WDR41: variants seen among roughly 807,000 people sequenced by gnomAD.
WDR41 encodes WD repeat-containing protein 41.
In WDR41, 63 loss-of-function variants were observed where a neutral mutation model predicts 69.3. That is an observed-to-expected ratio of 0.91 (90% confidence interval 0.74 to 1.12). The LOEUF (loss-of-function observed/expected upper bound fraction) is 1.12. Ranked by LOEUF, WDR41 falls within the 50% of genes most tolerant of loss-of-function variation. The pLI, the probability that WDR41 is intolerant of heterozygous loss-of-function variation, is 0.00. For missense variants in WDR41, 543 were observed against 534.5 expected (o/e 1.02, Z -0.16); for synonymous variants, 185 against 192.1 (o/e 0.96, Z 0.31).
At chr5:77,493,632 C>A (rs372597251), upstream of WDR41, among the ~76,000 whole-genome samples, 24 of 152,246 alleles carry the variant, frequency 1.6e-4, 1 homozygote, top group East Asian at 3.3e-3. Flanking sequence ...TGTGCTAGCC[C>A]CAAATTGCAG....
At chr5:77,527,772 G>A (rs1033425922) in intron 1 of WDR41, among the ~76,000 whole-genome samples, 3 of 151,852 alleles carry the variant, frequency 2.0e-5, no homozygotes, top group Admixed American at 6.6e-5. Flanking sequence ...TAGGCTAAAT[G>A]TCAATATTTT....
At chr5:77,579,483 A>C (rs1743895668) in intron 1 of WDR41, among the ~76,000 whole-genome samples, 1 of 152,234 alleles carries the variant, frequency 6.6e-6, no homozygotes, top group South Asian at 2.1e-4. Context: ...CAAACTATGA[A>C]ACAAAAGCAA....
chr5:77,484,413 T>A (rs163034), intron 2 of WDR41, among the ~76,000 whole-genome samples: 79,656 of 151,992 alleles, frequency 0.52, 21,531 homozygotes, highest in African/African-American at 0.65. Flanking sequence ...CCTTTAGAAA[T>A]AGAAAAGCTA....
At chr5:77,523,001 A>C (rs1226287728) in intron 1 of WDR41, among the ~76,000 whole-genome samples, 3 of 152,114 alleles carry the variant, frequency 2.0e-5, no homozygotes, top group Non-Finnish European at 4.4e-5. Context: ...AAAAGTAAAT[A>C]ATGGAAAACA....
chr5:77,511,842 TAGTTA>T (rs141615284), intron 1 of WDR41, among the ~76,000 whole-genome samples: 9,382 of 151,790 alleles, frequency 0.062, 505 homozygotes, highest in African/African-American at 0.14. Context: ...CAAGAAGCAT[TAGTTA>T]AGTTTCGATT....
At chr5:77,504,625 AT>A (rs1173681260) in intron 1 of WDR41, among the ~76,000 whole-genome samples, 1 of 152,242 alleles carries the variant, frequency 6.6e-6, no homozygotes, top group Non-Finnish European at 1.5e-5. Context: ...AAAATCCTCA[AT>A]AAAATACTGG....
chr5:77,483,187 C>T (rs1801359576), intron 2 of WDR41, among the ~76,000 whole-genome samples: 1 of 152,118 alleles, frequency 6.6e-6, no homozygotes, highest in South Asian at 2.1e-4. Context: ...ATCCAGGCTA[C>T]AGTCAGTGGC....
intron 1 of WDR41, among the ~76,000 whole-genome samples, chr5:77,606,865 G>C (rs2112332632): frequency 6.6e-6 from 1 of 151,572 alleles, no homozygotes; most frequent in South Asian, 2.1e-4. Context: ...ATGAGGCTTG[G>C]GGTGAGGTCA....
At chr5:77,528,444 A>C (rs1404392224) in intron 1 of WDR41, among the ~76,000 whole-genome samples, 1 of 151,522 alleles carries the variant, frequency 6.6e-6, no homozygotes, top group African/African-American at 2.4e-5. Flanking sequence ...GGCTAATTCC[A>C]CCAAACAGTC....
Position 77,529,288 on chromosome 5 carries a change from A to C in WDR41, c.43-39716T>G, listed in dbSNP as rs1327598716. On this transcript the variant is annotated intron_variant, in intron 1 of 5. Transcript: ENST00000509971. ...TAAGATGCCATTTATAAAGAACATC[A>C]AAAAAAGCAAACAAGAATAAATCTA... Among the ~76,000 whole-genome samples the C allele has an allele frequency of 2.0e-5, 3 of 151,506 alleles. No individual in the cohort carries two copies. In the East Asian group the frequency reaches 5.8e-4, roughly 29 times the overall value.
chr5:77,492,270 C>T lies in WDR41; in HGVS notation c.-50G>A. The T allele has an allele frequency of 1.2e-6, 2 of 1,607,182 alleles. No individual in the cohort carries two copies. The highest frequency in any genetic ancestry group is 8.5e-7 in the Non-Finnish European group (1 of 1,177,304). ...GGTCCAGCCCCAGTCAGCCCAAACT[C>T]CGCCCCAGGCTCGGCCTCCTCCTTC... On this transcript the variant is annotated 5_prime_UTR_variant, in exon 1 of 13. Coordinates refer to ENST00000296679, the MANE Select transcript of WDR41 (RefSeq NM_018268.4).
At chr5:77,562,383 G>A (rs1743544415) in intron 1 of WDR41, among the ~76,000 whole-genome samples, 1 of 152,150 alleles carries the variant, frequency 6.6e-6, no homozygotes, top group Non-Finnish European at 1.5e-5. Flanking sequence ...AGAAGCATTT[G>A]CAAAGTGCCA....
intron 1 of WDR41, among the ~76,000 whole-genome samples, chr5:77,533,201 A>G (rs530364773): frequency 6.6e-6 from 1 of 152,308 alleles, no homozygotes; most frequent in South Asian, 2.1e-4. Flanking sequence ...TCTACCCCAG[A>G]GAAATTCCTC....
rs541748801 is a variant in WDR41, at chr5:77,487,477, G to A, written c.167+1980C>T. Among the ~76,000 whole-genome samples the A allele has an allele frequency of 3.6e-4, 55 of 152,278 alleles. 2 individuals are homozygous for A. The South Asian group carries it at 7.9e-3, about 22-fold the overall frequency. On this transcript the variant is annotated intron_variant, in intron 2 of 12. Transcript: ENST00000296679. Reference sequence around the variant, plus strand: ...TAACATGCCATGATTTGGTTGACTTGCATCACAACAGGAAAACAGTGATGA... The same window carrying A: ...TAACATGCCATGATTTGGTTGACTTACATCACAACAGGAAAACAGTGATGA...
intron 1 of WDR41, among the ~76,000 whole-genome samples, chr5:77,578,678 A>G (rs1743878615): frequency 6.6e-6 from 1 of 152,132 alleles, no homozygotes; most frequent in African/African-American, 2.4e-5. Context: ...AGCCTGGCCA[A>G]CATGGCAAAA....
chr5:77,481,585 G>C (rs1361170640), intron 2 of WDR41, among the ~76,000 whole-genome samples: 1 of 152,010 alleles, frequency 6.6e-6, no homozygotes, highest in East Asian at 1.9e-4. Flanking sequence ...AGGAGTTCGA[G>C]ACCAGCCTGG....
intron 2 of WDR41, among the ~76,000 whole-genome samples, chr5:77,471,957 A>G (rs1292908668): frequency 6.6e-6 from 1 of 152,238 alleles, no homozygotes; most frequent in Non-Finnish European, 1.5e-5. Flanking sequence ...AAAGCCGGGC[A>G]GAGACATAAC....
chr5:77,579,317 G>A (rs1743892484), intron 1 of WDR41, among the ~76,000 whole-genome samples: 2 of 151,970 alleles, frequency 1.3e-5, no homozygotes, highest in Non-Finnish European at 2.9e-5. Flanking sequence ...ATTCCAAGTA[G>A]GATAAATTCA....
intron 4 of WDR41, among the ~76,000 whole-genome samples, chr5:77,462,760 T>C (rs1047453607): frequency 6.6e-6 from 1 of 152,174 alleles, no homozygotes; most frequent in East Asian, 1.9e-4. Flanking sequence ...CTCATCGTTG[T>C]TTCCCTAAAT....
Sources: allele counts gnomAD v4.1 joint callset (sites outside exome capture counted in the v4.1 genomes callset), GRCh38; gene constraint gnomAD v4.1.1; transcripts MANE v1.5; gene names NCBI Gene and HGNC (gene_info 2026-07-23, HGNC 2026-07-21).